PLAGL1: variants seen among roughly 807,000 people sequenced by gnomAD.
PLAGL1 encodes PLAG1 like zinc finger 1.
A neutral mutation model predicts 4.6 loss-of-function variants in PLAGL1; 1 was observed. The ratio of observed to expected loss-of-function variants is 0.22; its 90% CI spans 0.08 to 1.03. The LOEUF is 1.03. Ranked by LOEUF, PLAGL1 falls within the 50% of genes least tolerant of loss-of-function variation. The pLI, the probability that PLAGL1 is intolerant of heterozygous loss-of-function variation, is 0.58. For missense variants in PLAGL1, 464 were observed against 570.4 expected, an observed-to-expected ratio of 0.81 and a Z score of 1.90; for synonymous variants, 240 against 237.8, an observed-to-expected ratio of 1.01 and a Z score of -0.08.
upstream of PLAGL1, among the ~76,000 whole-genome samples, chr6:144,009,343 C>A (rs1378846831): frequency 6.6e-6 from 1 of 152,002 alleles, no homozygotes; most frequent in African/African-American, 2.4e-5. Flanking sequence ...TTATTTAGTT[C>A]TTGATGGACT....
At position 143,983,390 on chromosome 6, in the gene PLAGL1, A is replaced by T. The variant is rs1470598840; in HGVS notation, c.-544+1745T>A. Among the ~76,000 whole-genome samples, 1 of 152,142 alleles carries T rather than the reference A, an allele frequency of 6.6e-6. No individual in the cohort carries two copies. The highest frequency in any genetic ancestry group is 1.5e-5 in the Non-Finnish European group (1 of 68,006). ...AGTAGAGAGGAATGGGAGTTAAATAATTTTTTTAAGTAAAGCAGGGAGGTG... is the reference window on the plus strand; with the variant it reads ...AGTAGAGAGGAATGGGAGTTAAATATTTTTTTTAAGTAAAGCAGGGAGGTG... On this transcript the variant is annotated intron_variant, in intron 2 of 7. Coordinates refer to ENST00000674357, the MANE Select transcript of PLAGL1 (RefSeq NM_001317162.2). This position sits in a 1 kb window ranked among gnomAD's most constrained non-coding sequence, Gnocchi z 6.6.
chr6:144,044,158 T>A (rs948235540), intron 1 of PLAGL1, among the ~76,000 whole-genome samples: 1 of 152,312 alleles, frequency 6.6e-6, no homozygotes, highest in East Asian at 1.9e-4. Flanking sequence ...TTTGAAGGGT[T>A]TTTTGTGTCT....
At position 143,989,886 on chromosome 6, in the gene PLAGL1, T is replaced by A. The variant is rs1176708339; in HGVS notation, c.-583-4712A>T. On this transcript the variant is annotated intron_variant, in intron 1 of 7. Coordinates refer to ENST00000674357, the MANE Select transcript of PLAGL1 (RefSeq NM_001317162.2). The surrounding 1 kb of genome is among the most constrained non-coding windows in gnomAD (Gnocchi z 4.8). ...CTCCTAATACTTAACACATAACATCTCTCTGTTAACATCCCTACTTAATGC... is the reference window on the plus strand; with the variant it reads ...CTCCTAATACTTAACACATAACATCACTCTGTTAACATCCCTACTTAATGC... 2.0e-5 allele frequency among the ~76,000 whole-genome samples: 3 copies of A among 152,068 alleles called. No homozygotes were observed. The highest frequency in any genetic ancestry group is 6.6e-5 in the Admixed American group (1 of 15,228).
At position 143,963,430 on chromosome 6, in the gene PLAGL1, C is replaced by A. The variant is rs1042935366; in HGVS notation, c.-399+1357G>T. Among the ~76,000 whole-genome samples, 2 of 152,202 alleles carry A rather than the reference C, an allele frequency of 1.3e-5. No individual in the cohort carries two copies. The highest frequency in any genetic ancestry group is 1.9e-4 in the East Asian group (1 of 5,202). Reference sequence around the variant, plus strand: ...CACTGCCTGTTCTAGCTAATGGCACCGCTATGCAATAGCCATCAGAGCTCC... The same window carrying A: ...CACTGCCTGTTCTAGCTAATGGCACAGCTATGCAATAGCCATCAGAGCTCC... On this transcript the variant is annotated intron_variant, in intron 5 of 7. Transcript: ENST00000674357. The surrounding 1 kb of genome is among the most constrained non-coding windows in gnomAD (Gnocchi z 6.1).
Position 144,027,226 on chromosome 6 carries a change from A to AGAAC in PLAGL1, c.-151+37238_-151+37241dup, listed in dbSNP as rs747970925. Among the ~76,000 whole-genome samples, 1,499 of 129,862 alleles carry AGAAC rather than the reference A, an allele frequency of 0.012. 23 individuals are homozygous for AGAAC. Among genetic ancestry groups the AGAAC allele is most frequent in the East Asian group, 0.038 (167 of 4,412 alleles). 85.2% of individuals were successfully genotyped at this position (129,862 alleles called of 152,430 possible). On this transcript the variant is annotated intron_variant, in intron 1 of 3. Transcript: ENST00000437412. The surrounding 1 kb of genome is among the most constrained non-coding windows in gnomAD (Gnocchi z 5.8). ...GTGACAGAGAAAGACCCCAACTCAAAGAACGAACGAAAGAAAGAAAGAAAG... is the reference window on the plus strand; with the variant it reads ...GTGACAGAGAAAGACCCCAACTCAAAGAACGAACGAACGAAAGAAAGAAAGAAAG...
At chr6:143,976,047 A>C (rs1786446894) in intron 2 of PLAGL1, among the ~76,000 whole-genome samples, 2 of 152,174 alleles carry the variant, frequency 1.3e-5, no homozygotes, top group African/African-American at 4.8e-5. Context: ...GCCAGTGGTA[A>C]ACAGCAAACC....
rs556623459 is a variant in PLAGL1, at chr6:144,060,705, CT to C, written c.-151+3762del. Among the ~76,000 whole-genome samples, 63 of 152,316 alleles carry C rather than the reference CT, an allele frequency of 4.1e-4. 1 individual carries two copies. In the East Asian group the frequency reaches 0.011, roughly 27 times the overall value. ...TTCAACGAAGAGATTCTTATTCACA[CT>C]TTTCCATTCCAAATTACCCATTACC... On this transcript the variant is annotated intron_variant, in intron 1 of 3. Transcript: ENST00000437412.
Position 143,965,320 on chromosome 6 carries a change from A to T in PLAGL1, c.-430-502T>A, listed in dbSNP as rs1274496440. On this transcript the variant is annotated intron_variant, in intron 4 of 7. Transcript: ENST00000674357. The surrounding 1 kb of genome is among the most constrained non-coding windows in gnomAD (Gnocchi z 7.5). ...ATAAAGACCCTGCTGGAAACTGAAG[A>T]GGATTTTAGATACGCCAAAGATATG... 1.3e-5 allele frequency: 2 copies of T among 152,206 alleles called. No homozygotes were observed. Among genetic ancestry groups the T allele is most frequent in the Non-Finnish European group, 2.9e-5 (2 of 68,050 alleles). The allele number at this position is 152,206 out of a possible 1,614,324, so 9.4% of individuals were successfully genotyped here.
chr6:143,989,718 A>G lies in PLAGL1; in HGVS notation c.-583-4544T>C, dbSNP rs1000734836. 1.3e-5 allele frequency among the ~76,000 whole-genome samples: 2 copies of G among 152,170 alleles called. No homozygotes were observed. The highest frequency in any genetic ancestry group is 2.4e-5 in the African/African-American group (1 of 41,454). On this transcript the variant is annotated intron_variant, in intron 1 of 7. Transcript: ENST00000674357. The surrounding 1 kb of genome is among the most constrained non-coding windows in gnomAD (Gnocchi z 4.8). ...TCTTTCTCTCTCCATATATGTATCC[A>G]TGGGTAAACATACATACACTCTAAC...
chr6:143,964,802 G>A lies in PLAGL1; in HGVS notation c.-414C>T, dbSNP rs1056549153. On this transcript the variant is annotated 5_prime_UTR_variant, in exon 5 of 8. Transcript: ENST00000674357. The surrounding 1 kb of genome is among the most constrained non-coding windows in gnomAD (Gnocchi z 4.3). ...GTATACTCACAAGATTAACTCCTCTGATTCCTATGCAAATACCTAGAAAGG... is the reference window on the plus strand; with the variant it reads ...GTATACTCACAAGATTAACTCCTCTAATTCCTATGCAAATACCTAGAAAGG... 3.9e-5 allele frequency: 6 copies of A among 152,208 alleles called. No homozygotes were observed. The highest frequency in any genetic ancestry group is 1.4e-4 in the African/African-American group (6 of 41,430). 9.4% of individuals were successfully genotyped at this position (152,208 alleles called of 1,614,324 possible).
chr6:144,030,172 G>A (rs1390424421), intron 1 of PLAGL1, among the ~76,000 whole-genome samples: 6 of 144,668 alleles, frequency 4.1e-5, no homozygotes, highest in Admixed American at 3.5e-4. Flanking sequence ...GGAGAATGGC[G>A]TGAACCTGGG....
At position 144,021,014 on chromosome 6, in the gene PLAGL1, G is replaced by A. The variant is rs1172850625; in HGVS notation, c.-151+43454C>T. On this transcript the variant is annotated intron_variant, in intron 1 of 3. Coordinates refer to the PLAGL1 transcript ENST00000437412. ...CACATGAGGACACAGTGTTTAGGGA[G>A]GTTAGGGAATGTGCCAAAAATCTTC... is the stretch of plus-strand genomic sequence containing the variant. Among the ~76,000 whole-genome samples, 3 of 151,164 alleles carry A rather than the reference G, an allele frequency of 2.0e-5. No individual in the cohort carries two copies. The East Asian group carries it at 5.8e-4, about 29-fold the overall frequency.
chr6:144,054,148 C>CT (rs11450799), intron 1 of PLAGL1, among the ~76,000 whole-genome samples: 28,335 of 152,162 alleles, frequency 0.19, 3,947 homozygotes, highest in African/African-American at 0.38. Flanking sequence ...TATATGCTCA[C>CT]TTAACAAACA....
chr6:144,036,146 G>C lies in PLAGL1; in HGVS notation c.-151+28322C>G, dbSNP rs1035485530. Among the ~76,000 whole-genome samples the C allele has an allele frequency of 8.5e-5, 13 of 152,170 alleles. No individual in the cohort carries two copies. Among genetic ancestry groups the C allele is most frequent in the Non-Finnish European group, 1.9e-4 (13 of 68,024 alleles). On this transcript the variant is annotated intron_variant, in intron 1 of 3. Transcript: ENST00000437412. This position sits in a 1 kb window ranked among gnomAD's most constrained non-coding sequence, Gnocchi z 5.1. ...GACTTTTATGCTCTGCCTCCAGAATGACTCCTTCCAATGCTCACTAATGCT... is the reference window on the plus strand; with the variant it reads ...GACTTTTATGCTCTGCCTCCAGAATCACTCCTTCCAATGCTCACTAATGCT...
In PLAGL1 at chr6:143,978,497, C is replaced by T. The variant is rs1377213982; in HGVS notation, c.-544+6638G>A. 6.6e-6 allele frequency among the ~76,000 whole-genome samples: 1 copy of T among 151,806 alleles called. No homozygotes were observed. The highest frequency in any genetic ancestry group is 1.5e-5 in the Non-Finnish European group (1 of 67,948). ...TTTCCAGCACTTTTTTCAGTATTAACTTTTAGTTTAATTCTGTAGTCTCAG... is the reference window on the plus strand; with the variant it reads ...TTTCCAGCACTTTTTTCAGTATTAATTTTTAGTTTAATTCTGTAGTCTCAG... On this transcript the variant is annotated intron_variant, in intron 2 of 7. Coordinates refer to ENST00000674357, the MANE Select transcript of PLAGL1 (RefSeq NM_001317162.2). This position sits in a 1 kb window ranked among gnomAD's most constrained non-coding sequence, Gnocchi z 4.6.
rs189030999 is a variant in PLAGL1, at chr6:144,053,647, T to C, written c.-151+10821A>G. ...TTGGATAAAAAGGAAAATACTACCTTCATAAAGAAACTTACCACCTAAAAG... is the reference window on the plus strand; with the variant it reads ...TTGGATAAAAAGGAAAATACTACCTCCATAAAGAAACTTACCACCTAAAAG... On this transcript the variant is annotated intron_variant, in intron 1 of 3. Coordinates refer to the PLAGL1 transcript ENST00000437412. This position sits in a 1 kb window ranked among gnomAD's most constrained non-coding sequence, Gnocchi z 4.0. Among the ~76,000 whole-genome samples the C allele has an allele frequency of 3.3e-5, 5 of 152,330 alleles. No homozygotes were observed. The highest frequency in any genetic ancestry group is 1.2e-4 in the African/African-American group (5 of 41,568).
At chr6:144,043,112 A>G (rs1416198521) in intron 1 of PLAGL1, among the ~76,000 whole-genome samples, 4 of 152,190 alleles carry the variant, frequency 2.6e-5, no homozygotes, top group Non-Finnish European at 1.5e-5. Context: ...CAATCATATC[A>G]TCTGGAAACA....
At position 143,954,302 on chromosome 6, in the gene PLAGL1, A is replaced by T. The variant is rs1035578096; in HGVS notation, c.-324-5842T>A. On this transcript the variant is annotated intron_variant, in intron 6 of 7. Coordinates refer to ENST00000674357, the MANE Select transcript of PLAGL1 (RefSeq NM_001317162.2). The surrounding 1 kb of genome is among the most constrained non-coding windows in gnomAD (Gnocchi z 5.1). ...CACAAAAAGTAACGGGGAAAAAAAG[A>T]CTACGGGGGGAAGGAAACTTCAAAA... 6.6e-6 allele frequency among the ~76,000 whole-genome samples: 1 copy of T among 152,204 alleles called. No individual in the cohort carries two copies. Among genetic ancestry groups the T allele is most frequent in the Non-Finnish European group, 1.5e-5 (1 of 68,036 alleles).
intron 1 of PLAGL1, among the ~76,000 whole-genome samples, chr6:144,044,080 T>C (rs544700025): frequency 6.6e-6 from 1 of 152,358 alleles, no homozygotes; most frequent in South Asian, 2.1e-4. Context: ...TCTTCTTTAT[T>C]AGCCTTGCTA....
Sources: gnomAD v4.1 joint callset for allele counts (sites outside exome capture counted in the v4.1 genomes callset) on GRCh38, gnomAD v4.1.1 for gene constraint, Gnocchi (gnomAD v3.1) non-coding constraint, MANE v1.5 for transcripts, NCBI Gene and HGNC (gene_info 2026-07-23, HGNC 2026-07-21) for gene names.